PBX1: variants seen among roughly 807,000 people sequenced by gnomAD.
The protein encoded by PBX1 is PBX homeobox 1, also known as pre-B-cell leukemia transcription factor 1.
PBX1 carries 6 observed loss-of-function variants against 53.4 expected under a neutral mutation model. The observed-to-expected ratio is 0.11, with a 90% CI of 0.06 to 0.22. PBX1 has a LOEUF of 0.22. Among genes scored for constraint, PBX1 ranks in the 10% least tolerant of loss-of-function variants. The pLI is 1.00. For synonymous variants in PBX1, 204 were observed against 212.3 expected (o/e 0.96, Z 0.34); for missense variants, 251 against 551.4 (o/e 0.46, Z 5.46).
At chr1:164,585,597 T>G (rs1258069834) in intron 2 of PBX1, among the ~76,000 whole-genome samples, 1 of 152,156 alleles carries the variant, frequency 6.6e-6, no homozygotes, top group African/African-American at 2.4e-5. Flanking sequence ...TCCTGAACAT[T>G]TCTTTTGGCT....
chr1:164,601,712 T>C (rs1378253070), intron 2 of PBX1, among the ~76,000 whole-genome samples: 1 of 152,212 alleles, frequency 6.6e-6, no homozygotes, highest in African/African-American at 2.4e-5. Flanking sequence ...TTTTGAGCTT[T>C]CACTGTATTT....
chr1:164,674,256 T>C (rs1214487084), intron 2 of PBX1, among the ~76,000 whole-genome samples: 1 of 152,214 alleles, frequency 6.6e-6, no homozygotes, highest in Non-Finnish European at 1.5e-5. Context: ...CTGGTTATGC[T>C]GGGGTCATGA....
intron 2 of PBX1, among the ~76,000 whole-genome samples, chr1:164,728,059 T>C (rs1280994493): frequency 6.6e-6 from 1 of 152,180 alleles, no homozygotes; most frequent in Non-Finnish European, 1.5e-5. Context: ...GCGTGGTGGC[T>C]CATGCCTGTA....
chr1:164,835,873 A>G (rs1671012646), intron 8 of PBX1, among the ~76,000 whole-genome samples: 1 of 152,186 alleles, frequency 6.6e-6, no homozygotes, highest in Admixed American at 6.6e-5. Flanking sequence ...AAATAAATTA[A>G]TTAACCCTAC....
chr1:164,742,749 C>T (rs575943943), intron 2 of PBX1, among the ~76,000 whole-genome samples: 32 of 152,182 alleles, frequency 2.1e-4, no homozygotes, highest in Admixed American at 9.8e-4. Flanking sequence ...AATTGGAGAG[C>T]GGCTGCTTGA....
intron 8 of PBX1, among the ~76,000 whole-genome samples, chr1:164,835,221 A>C (rs187735121): frequency 3.4e-4 from 51 of 148,630 alleles, no homozygotes; most frequent in African/African-American, 1.3e-3. Context: ...TAGAACATTT[A>C]AGCTACTTTT....
At chr1:164,790,251 C>T (rs1257038111) in intron 2 of PBX1, among the ~76,000 whole-genome samples, 1 of 152,106 alleles carries the variant, frequency 6.6e-6, no homozygotes, top group Non-Finnish European at 1.5e-5. Context: ...GAAACAATAA[C>T]GTGACTAAAT....
At chr1:164,773,950 G>C (rs907533046) in intron 2 of PBX1, among the ~76,000 whole-genome samples, 3 of 152,222 alleles carry the variant, frequency 2.0e-5, no homozygotes, top group Admixed American at 2.0e-4. Context: ...CCCCATGTTA[G>C]TGAAGGCAAT....
At chr1:164,586,264 T>C (rs1654946013) in intron 2 of PBX1, among the ~76,000 whole-genome samples, 1 of 152,202 alleles carries the variant, frequency 6.6e-6, no homozygotes, top group Non-Finnish European at 1.5e-5. Flanking sequence ...TGTGCATGTA[T>C]TTCATTGCTG....
intron 4 of PBX1, among the ~76,000 whole-genome samples, chr1:164,801,389 C>T (rs1300122777): frequency 6.7e-6 from 1 of 149,600 alleles, no homozygotes; most frequent in African/African-American, 2.5e-5. Context: ...GTATTGCTTA[C>T]ATCTCCATGG....
chr1:164,807,723 G>A lies in PBX1; in HGVS notation c.837+46G>A, dbSNP rs1440915068. ...CTCAGCCTGTAGCCTGGCCATGGCG[G>A]GGCCTCCGGGGCAGGCTCTTAGAGG... On this transcript the variant is annotated intron_variant, in intron 5 of 8. Coordinates refer to ENST00000420696, the MANE Select transcript of PBX1 (RefSeq NM_002585.4). The A allele has an allele frequency of 3.1e-6, 5 of 1,602,296 alleles. No individual in the cohort carries two copies. In the African/African-American group the frequency reaches 5.4e-5, roughly 17 times the overall value.
chr1:164,802,015 C>T (rs1012548752), intron 4 of PBX1, among the ~76,000 whole-genome samples: 18 of 152,168 alleles, frequency 1.2e-4, no homozygotes, highest in East Asian at 7.7e-4. Flanking sequence ...TTCACATGCT[C>T]CTCTAAACCA....
At chr1:164,873,923 C>T (rs1012397188) in intron 2 of PBX1, among the ~76,000 whole-genome samples, 2 of 149,154 alleles carry the variant, frequency 1.3e-5, no homozygotes, top group Non-Finnish European at 3.0e-5. Context: ...TTTTTACTGG[C>T]TTTTAATTTC....
chr1:164,754,197 G>A (rs1261522490), intron 2 of PBX1, among the ~76,000 whole-genome samples: 1 of 152,134 alleles, frequency 6.6e-6, no homozygotes, highest in African/African-American at 2.4e-5. Context: ...GTGCTCATGG[G>A]AAAAAGCAGA....
intron 2 of PBX1, among the ~76,000 whole-genome samples, chr1:164,662,956 G>T (rs1660571611): frequency 6.6e-6 from 1 of 151,970 alleles, no homozygotes; most frequent in South Asian, 2.1e-4. Flanking sequence ...TTATTATAAA[G>T]AACTACAACT....
intron 2 of PBX1, among the ~76,000 whole-genome samples, chr1:164,623,823 T>C (rs900754117): frequency 6.6e-6 from 1 of 152,220 alleles, no homozygotes; most frequent in Admixed American, 6.5e-5. Context: ...TCAAGAGACA[T>C]GTTAATGATA....
At chr1:164,786,237 G>A (rs1668166951) in intron 2 of PBX1, among the ~76,000 whole-genome samples, 1 of 150,180 alleles carries the variant, frequency 6.7e-6, no homozygotes, top group South Asian at 2.1e-4. Context: ...CAGACATTTA[G>A]TGTCAGGGGC....
intron 6 of PBX1, chr1:164,815,162 G>A (rs1571459727): frequency 2.0e-5 from 3 of 152,260 alleles, no homozygotes; most frequent in South Asian, 2.1e-4. Flanking sequence ...TCTTAATTTC[G>A]ATGAGATTAT....
chr1:164,784,027 C>A (rs1399019303), intron 2 of PBX1, among the ~76,000 whole-genome samples: 1 of 152,194 alleles, frequency 6.6e-6, no homozygotes, highest in East Asian at 1.9e-4. Flanking sequence ...CCAATGGCTC[C>A]ACATTTTTCA....
Sources: gnomAD v4.1 joint callset for allele counts (sites outside exome capture counted in the v4.1 genomes callset) on GRCh38, gnomAD v4.1.1 for gene constraint, MANE v1.5 for transcripts, NCBI Gene and HGNC (gene_info 2026-07-23, HGNC 2026-07-21) for gene names.